Variants in KRT75 observed in about 807,000 individuals in gnomAD.
KRT75 encodes the protein keratin 75, also known as keratin, type II cytoskeletal 75.
KRT75 carries 35 observed loss-of-function variants against 48.8 expected under a neutral mutation model. The ratio of observed to expected loss-of-function variants is 0.72; its 90% CI spans 0.55 to 0.95. The LOEUF (loss-of-function observed/expected upper bound fraction) is 0.95. Ranked by LOEUF, KRT75 falls within the 40% of genes least tolerant of loss-of-function variation. The probability of loss-of-function intolerance (pLI) is 0.00; values close to 1 mark genes in which losing one functional copy is unlikely to be tolerated. For missense variants in KRT75, 776 were observed against 709.9 expected (o/e 1.09, Z -1.06); for synonymous variants, 301 against 282.3 (o/e 1.07, Z -0.66).
rs1285143883 is a variant in KRT75 at position 52,430,595 on chromosome 12, G to C, written c.981C>G (p.Tyr327Ter). The change falls in exon 5 of 9, where the codon TAC (tyrosine) becomes TAG (stop). Residue 327 changes from tyrosine (Y) to a stop codon, truncating the protein, a stop_gained. Coordinates refer to ENST00000252245, the MANE Select transcript of KRT75 (RefSeq NM_004693.3). LOFTEE classifies it high-confidence loss of function. ...CCCGGCTGCGGTTGGCAATGTCCTC[G>C]TATTGTGCTTTGACCTCGGCGATGA... ...DSIIAEVKAQ[Y>*]EDIANRSRAE... 1 of 1,614,008 alleles carries C rather than the reference G, an allele frequency of 6.2e-7. No individual in the cohort carries two copies. Among genetic ancestry groups the C allele is most frequent in the African/African-American group, 1.3e-5 (1 of 74,892 alleles).
At chr12:52,426,389 C>A (rs555998523) in intron 8 of KRT75, among the ~76,000 whole-genome samples, 1 of 152,366 alleles carries the variant, frequency 6.6e-6, no homozygotes, top group Admixed American at 6.5e-5. Context: ...GCCTAGTTGG[C>A]AATGCTCTTG....
intron 3 of KRT75, 99 bp downstream of exon 3, chr12:52,431,907 G>A (rs1406459263): frequency 2.7e-6 from 3 of 1,119,706 alleles, no homozygotes; most frequent in Non-Finnish European, 1.4e-6. Context: ...CAAGGTTGAT[G>A]TGACATTTCT....
intron 6 of KRT75, 33 bp downstream of exon 6, chr12:52,428,585 T>C (rs1007430719): frequency 5.1e-5 from 82 of 1,614,128 alleles, no homozygotes; most frequent in Non-Finnish European, 6.9e-5. Context: ...GAAATGAGCA[T>C]TTGAGGAGCT....
chr12:52,433,308 A>C (rs997154873), intron 1 of KRT75, 56 bp from the exon 2 acceptor site: 2 of 1,350,500 alleles, frequency 1.5e-6, no homozygotes, highest in Admixed American at 3.4e-5. Flanking sequence ...AGAGTTAGAC[A>C]CTCCTATTAA....
Position 52,428,457 on chromosome 12 carries a change from GC to G in KRT75, c.1180del (p.Ala394ProfsTer44). 1 of 1,613,870 alleles carries G rather than the reference GC, an allele frequency of 6.2e-7. No homozygotes were observed. The highest frequency in any genetic ancestry group is 8.5e-7 in the Non-Finnish European group (1 of 1,179,898). ...TCCCCGCTGCTCTGCATCAGCAATGGCCGTTTGCAAGCTGGAACACTGTAAG... is the reference window on the plus strand; with the variant it reads ...TCCCCGCTGCTCTGCATCAGCAATGGCGTTTGCAAGCTGGAACACTGTAAG... ...VKKQCSSLQT[A>X]IADAEQRGEL... On this transcript the variant is annotated frameshift_variant, in exon 7 of 9. Transcript: ENST00000252245. LOFTEE classifies it high-confidence loss of function.
Position 52,430,693 on chromosome 12 carries a change from A to C in KRT75, c.883T>G (p.Leu295Val). The C allele has an allele frequency of 6.2e-7, 1 of 1,614,214 alleles. No homozygotes were observed. Among genetic ancestry groups the C allele is most frequent in the Non-Finnish European group, 8.5e-7 (1 of 1,180,032 alleles). ...GATGTGTCACCGACCTGGGTCTGCA[A>C]CTGGGACAGCTCCTGCAGGGCAGTA... ...HSVFDAELSQ[L>V]QTQVGDTSVV... is the part of the protein sequence containing the mutation. The change falls in exon 5 of 9, where the codon TTG (leucine) becomes GTG (valine). Residue 295 changes from leucine (L) to valine (V), a missense_variant. Physicochemically the swap from Leu to Val is conservative, Grantham distance 32. Coordinates refer to ENST00000252245, the MANE Select transcript of KRT75 (RefSeq NM_004693.3).
In KRT75 at chr12:52,431,883, T is replaced by C. The variant is rs1019332154; in HGVS notation, c.774+123A>G. The C allele has an allele frequency of 9.4e-6, 9 of 958,354 alleles. No homozygotes were observed. In the African/African-American group the frequency reaches 1.4e-4, roughly 15 times the overall value. The allele number at this position is 958,354 out of a possible 1,614,324, so 59.4% of individuals were successfully genotyped here. On this transcript the variant is annotated intron_variant, in intron 3 of 8. Transcript: ENST00000252245. ...AGGGAACATGTTGGGAGGTTTGAAC[T>C]CTGCAGATATTCTCAAGGTTGATGT...
intron 5 of KRT75, among the ~76,000 whole-genome samples, chr12:52,429,438 A>G (rs1487969818): frequency 6.6e-6 from 1 of 152,154 alleles, no homozygotes; most frequent in Non-Finnish European, 1.5e-5. Context: ...TGAATTTAAG[A>G]GCAATAATTA....
chr12:52,429,377 T>C (rs1940115061), intron 5 of KRT75, among the ~76,000 whole-genome samples: 1 of 152,192 alleles, frequency 6.6e-6, no homozygotes, highest in Admixed American at 6.5e-5. Context: ...TTTGTAAAAG[T>C]ATTCCCAATC....
At chr12:52,426,929 A>C in intron 7 of KRT75, 78 bp from the exon 8 acceptor site, 2 of 1,201,164 alleles carry the variant, frequency 1.7e-6, no homozygotes, top group Non-Finnish European at 2.5e-6. Flanking sequence ...ACACTTTTGT[A>C]ATTGTTGACA....
intron 7 of KRT75, among the ~76,000 whole-genome samples, chr12:52,427,811 C>A (rs1940092374): frequency 6.6e-6 from 1 of 152,172 alleles, no homozygotes; most frequent in African/African-American, 2.4e-5. Context: ...TCCCATGAAG[C>A]TTTGCGGATC....
chr12:52,428,438 C>G lies in KRT75; in HGVS notation c.1200G>C (p.Gln400His). The G allele has an allele frequency of 2.5e-6, 4 of 1,614,120 alleles. No individual in the cohort carries two copies. The highest frequency in any genetic ancestry group is 3.4e-6 in the Non-Finnish European group (4 of 1,180,000). The change falls in exon 7 of 9, where the codon CAG (glutamine) becomes CAC (histidine). Residue 400 changes from glutamine (Q) to histidine (H), a missense_variant. Gln to His is a conservative substitution (Grantham distance 24). Coordinates refer to ENST00000252245, the MANE Select transcript of KRT75 (RefSeq NM_004693.3). ...CATCCTTGAGAGCCAGTTCTCCCCG[C>G]TGCTCTGCATCAGCAATGGCCGTTT... ...SLQTAIADAE[Q>H]RGELALKDAR... is the part of the protein sequence containing the mutation.
chr12:52,427,108 T>A lies in KRT75; in HGVS notation c.1383-257A>T, dbSNP rs555481889. Among the ~76,000 whole-genome samples, 8 of 152,300 alleles carry A rather than the reference T, an allele frequency of 5.3e-5. No individual in the cohort carries two copies. The East Asian group carries it at 1.5e-3, about 29-fold the overall frequency. On this transcript the variant is annotated intron_variant, in intron 7 of 8. Transcript: ENST00000252245. Reference sequence around the variant, plus strand: ...AATCTCAGAAATACAATTTTTGGTTTAAACTAGTTAGATGCCTTAAGGAAA... The same window carrying A: ...AATCTCAGAAATACAATTTTTGGTTAAAACTAGTTAGATGCCTTAAGGAAA...
chr12:52,432,839 GA>G (rs1940162108), intron 2 of KRT75, among the ~76,000 whole-genome samples, 198 bp downstream of exon 2: 2 of 152,208 alleles, frequency 1.3e-5, no homozygotes, highest in Non-Finnish European at 2.9e-5. Flanking sequence ...GAACAAATAG[GA>G]ATAGGATCTT....
chr12:52,433,866 C>A lies in KRT75; in HGVS notation c.439G>T (p.Ala147Ser), dbSNP rs750520382. 7.4e-6 allele frequency: 12 copies of A among 1,614,132 alleles called. No individual in the cohort carries two copies. The South Asian group carries it at 1.3e-4, about 18-fold the overall frequency. ...GTCTTGATCTGCTCGCGCTCCTCGG[C>A]CCGCACCCGCTGGATGGTGGGGTCG... The part of the protein sequence containing the change: ...QIDPTIQRVR[A>S]EEREQIKTLN... The change falls in exon 1 of 9, where the codon GCC becomes TCC. Residue 147 changes from alanine (A) to serine (S), a missense_variant. Coordinates refer to ENST00000252245, the MANE Select transcript of KRT75 (RefSeq NM_004693.3).
intron 7 of KRT75, among the ~76,000 whole-genome samples, chr12:52,427,115 G>C (rs1701784): frequency 0.27 from 40,638 of 152,072 alleles, 6,811 homozygotes; most frequent in East Asian, 0.47. Context: ...GTTTAAACTA[G>C]TTAGATGCCT....
At chr12:52,432,940 C>T (rs576223558) in intron 2 of KRT75, 98 bp downstream of exon 2, 12 of 1,239,444 alleles carry the variant, frequency 9.7e-6, no homozygotes, top group South Asian at 4.9e-5. Flanking sequence ...CCAAAGCTCC[C>T]GGCTGATATC....
In KRT75 at chr12:52,428,444, T is replaced by C. The variant is rs144291916; in HGVS notation, c.1194A>G (p.Ala398=). 2.7e-5 allele frequency: 44 copies of C among 1,613,928 alleles called. No homozygotes were observed. The highest frequency in any genetic ancestry group is 3.6e-5 in the Non-Finnish European group (43 of 1,179,970). Residue 398 remains alanine (A), a synonymous_variant, in exon 7 of 9, where the codon GCA becomes GCG. Transcript: ENST00000252245. ...TGAGAGCCAGTTCTCCCCGCTGCTC[T>C]GCATCAGCAATGGCCGTTTGCAAGC... is the stretch of plus-strand genomic sequence containing the variant. ...CSSLQTAIAD[A]EQRGELALKD...
chr12:52,428,538 G>A, intron 6 of KRT75, 62 bp from the exon 7 acceptor site: 1 of 1,612,912 alleles, frequency 6.2e-7, no homozygotes, highest in South Asian at 1.1e-5. Flanking sequence ...GGTGCTTCTT[G>A]GGGAGGAGTT....
Sources: allele counts gnomAD v4.1 joint callset (sites outside exome capture counted in the v4.1 genomes callset), GRCh38; gene constraint gnomAD v4.1.1; transcripts MANE v1.5; gene names NCBI Gene and HGNC (gene_info 2026-07-23, HGNC 2026-07-21).